Variants in TRAF7 observed in about 807,000 individuals in gnomAD.
TRAF7 encodes E3 ubiquitin-protein ligase TRAF7.
TRAF7 carries 45 observed loss-of-function variants against 89.3 expected under a neutral mutation model. The observed-to-expected ratio is 0.50, with a 90% CI of 0.40 to 0.65. The LOEUF (loss-of-function observed/expected upper bound fraction) is 0.65. Among genes scored for constraint, TRAF7 ranks in the 30% least tolerant of loss-of-function variants. The pLI is 0.00. For missense variants in TRAF7, 677 were observed against 918.1 expected (o/e 0.74, Z 3.39); for synonymous variants, 406 against 369.2 (o/e 1.10, Z -1.14).
chr16:2,176,180 G>C lies in TRAF7; in HGVS notation c.1878G>C (p.Arg626Ser). Residue 626 changes from arginine to serine, a missense_variant and splice_region_variant, in exon 19 of 21, where the codon AGG becomes AGC. Arg to Ser is a moderately radical substitution (Grantham distance 110). Around this residue, in one of 6 missense-constraint regions of TRAF7, gnomAD observed 160 missense variants for 263.7 expected, o/e 0.61. Coordinates refer to ENST00000326181, the MANE Select transcript of TRAF7 (RefSeq NM_032271.3). ...VFSASYDRSLRVWSMDNMICT... is the reference protein window; with the variant it reads ...VFSASYDRSLSVWSMDNMICT... ...GTGCATCCTACGACCGGTCCCTCAG[G>C]GTGCGTGCTGGCCCAGCGGTGGCAG... 1 of 1,605,176 alleles carries C rather than the reference G, an allele frequency of 6.2e-7. No homozygotes were observed.
chr16:2,164,200 G>C (rs189522577), intron 2 of TRAF7, among the ~76,000 whole-genome samples, 199 bp downstream of exon 2: 1 of 150,948 alleles, frequency 6.6e-6, no homozygotes, highest in Non-Finnish European at 1.5e-5. Flanking sequence ...GTGTGTGGTT[G>C]GGGCGTGTTA....
intron 5 of TRAF7, among the ~76,000 whole-genome samples, 190 bp from the exon 6 acceptor site, chr16:2,171,074 C>A (rs983121356): frequency 3.3e-5 from 5 of 152,202 alleles, no homozygotes; most frequent in African/African-American, 9.6e-5. Flanking sequence ...GGCCCTGCCT[C>A]TGGGGCCACA....
At position 2,173,559 on chromosome 16, in the gene TRAF7, G is replaced by A. The variant is rs1446461000; in HGVS notation, c.1086+5G>A. ...CGGGACGCATCCATGTTAAATGTGA[G>A]CGGGCGGGGCTGGAGGGGCTGGGTT... On this transcript the variant is annotated splice_donor_5th_base_variant and intron_variant, in intron 11 of 20. Coordinates refer to ENST00000326181, the MANE Select transcript of TRAF7 (RefSeq NM_032271.3). 1 of 1,612,628 alleles carries A rather than the reference G, an allele frequency of 6.2e-7. No homozygotes were observed. Among genetic ancestry groups the A allele is most frequent in the African/African-American group, 1.3e-5 (1 of 75,032 alleles).
In TRAF7 at chr16:2,177,680, T is replaced by G. The variant is rs954062631; in HGVS notation, c.*1106T>G. The G allele has an allele frequency of 4.1e-6, 1 of 242,284 alleles. No homozygotes were observed. The highest frequency in any genetic ancestry group is 2.2e-5 in the African/African-American group (1 of 45,152). The allele number at this position is 242,284 out of a possible 1,614,324, so 15.0% of individuals were successfully genotyped here. On this transcript the variant is annotated 3_prime_UTR_variant, in exon 21 of 21. Transcript: ENST00000326181. ...GGAGCTGCAAGCCCGTGGCCTGGCC[T>G]GCTACATGCCCTGCTTCCACGTGGC...
Position 2,171,316 on chromosome 16 carries a change from G to A in TRAF7, c.401G>A (p.Cys134Tyr). The A allele has an allele frequency of 6.4e-7, 1 of 1,556,014 alleles. No individual in the cohort carries two copies. Residue 134 changes from cysteine to tyrosine, a missense_variant, in exon 6 of 21, where the codon TGC (cysteine) becomes TAC (tyrosine). By Grantham distance (194) the Cys-to-Tyr change is radical. Around this residue, in one of 6 missense-constraint regions of TRAF7, gnomAD observed 240 missense variants for 191.9 expected, o/e 1.25. Coordinates refer to ENST00000326181, the MANE Select transcript of TRAF7 (RefSeq NM_032271.3). The stretch of plus-strand genomic sequence containing the variant: ...TCGGTGAAGCTGTGCTGTCAGCTCT[G>A]CTGCAGCGTCTTCAAAGACCCCGTG... Reference protein sequence around the residue: ...QPSVKLCCQLCCSVFKDPVIT... With the variant: ...QPSVKLCCQLYCSVFKDPVIT...
chr16:2,164,276 C>T (rs949236690), intron 2 of TRAF7, among the ~76,000 whole-genome samples: 2 of 148,306 alleles, frequency 1.3e-5, no homozygotes, highest in Non-Finnish European at 3.0e-5. Flanking sequence ...GGCCTGGTCG[C>T]ATGGTTAAGC....
In TRAF7 at chr16:2,175,482, T is replaced by C. The variant is rs1443905694; in HGVS notation, c.1504-18T>C. On this transcript the variant is annotated intron_variant, in intron 16 of 20. Transcript: ENST00000326181. ...CGTCCCTTGCCCGCCCAGCCCACAGTTGCAGCAATCCCTGCAGGTCTGGGA... is the reference window on the plus strand; with the variant it reads ...CGTCCCTTGCCCGCCCAGCCCACAGCTGCAGCAATCCCTGCAGGTCTGGGA... 6.2e-7 allele frequency: 1 copy of C among 1,613,022 alleles called. No individual in the cohort carries two copies. Among genetic ancestry groups the C allele is most frequent in the Non-Finnish European group, 8.5e-7 (1 of 1,179,602 alleles).
Position 2,165,893 on chromosome 16 carries a change from G to A in TRAF7, c.96G>A (p.Thr32=), listed in dbSNP as rs754997740. ...CCTCCCTCTAGACCAGAATGGAAAC[G>A]ACCTTCGGACCCGCCTTTTCAGCCG... The part of the protein sequence containing the change: ...PDVTTGTRME[T]TFGPAFSAVT... Residue 32 remains threonine (T), a synonymous_variant, in exon 3 of 21, where the codon ACG becomes ACA. Transcript: ENST00000326181. 5.0e-6 allele frequency: 8 copies of A among 1,613,964 alleles called. No homozygotes were observed. Among genetic ancestry groups the A allele is most frequent in the African/African-American group, 4.0e-5 (3 of 74,922 alleles).
chr16:2,168,196 T>C lies in TRAF7; in HGVS notation c.231+28T>C, dbSNP rs374519259. The C allele has an allele frequency of 1.3e-6, 2 of 1,581,950 alleles. No individual in the cohort carries two copies. Among genetic ancestry groups the C allele is most frequent in the African/African-American group, 2.7e-5 (2 of 73,988 alleles). ...AGGTCCCTACCCCCAGGAGCCCGTG[T>C]GAGCCTCAGCCTCCCCCCATCCTCC... On this transcript the variant is annotated intron_variant, in intron 4 of 20. Coordinates refer to ENST00000326181, the MANE Select transcript of TRAF7 (RefSeq NM_032271.3). This position sits in a 1 kb window ranked among gnomAD's most constrained non-coding sequence, Gnocchi z 4.1.
At chr16:2,167,098 T>C (rs1303798033) in intron 3 of TRAF7, among the ~76,000 whole-genome samples, 2 of 152,320 alleles carry the variant, frequency 1.3e-5, no homozygotes, top group African/African-American at 4.8e-5. Flanking sequence ...CTCTTTTTTT[T>C]TCTAATCCTA....
chr16:2,171,639 A>T, intron 7 of TRAF7, 34 bp downstream of exon 7: 1 of 1,612,936 alleles, frequency 6.2e-7, no homozygotes, highest in Non-Finnish European at 8.5e-7. Context: ...CCTGACGCCG[A>T]CCGTGCCCAT....
rs774794877 is a variant in TRAF7 at position 2,162,990 on chromosome 16, A to G, written c.-38-893A>G. ...GCCTCACGGGGGGAGAGTGGGCGTC[A>G]TCCAGCATGGACAGCCCCTTCCCCG... On this transcript the variant is annotated intron_variant, in intron 1 of 20. Transcript: ENST00000326181. This position sits in a 1 kb window ranked among gnomAD's most constrained non-coding sequence, Gnocchi z 5.0. 1.2e-4 allele frequency among the ~76,000 whole-genome samples: 18 copies of G among 151,118 alleles called. No individual in the cohort carries two copies. Among genetic ancestry groups the G allele is most frequent in the Non-Finnish European group, 2.1e-4 (14 of 67,782 alleles).
At chr16:2,173,752 G>C in intron 11 of TRAF7, 36 bp from the exon 12 acceptor site, 1 of 1,608,206 alleles carries the variant, frequency 6.2e-7, no homozygotes, top group East Asian at 2.2e-5. Flanking sequence ...CAGCAGCCCT[G>C]CCCACCTGCC....
chr16:2,175,134 C>T lies in TRAF7; in HGVS notation c.1370C>T (p.Ala457Val). The change falls in exon 15 of 21, where the codon GCA becomes GTA. Residue 457 changes from alanine (A) to valine (V), a missense_variant. Ala to Val is a moderately conservative substitution (Grantham distance 64). Around this residue, in one of 6 missense-constraint regions of TRAF7, gnomAD observed 160 missense variants for 263.7 expected, o/e 0.61. Coordinates refer to ENST00000326181, the MANE Select transcript of TRAF7 (RefSeq NM_032271.3). Reference protein sequence around the residue: ...IQGCKLYSGSADCTIIVWDIQ... With the variant: ...IQGCKLYSGSVDCTIIVWDIQ... Reference sequence around the variant, plus strand: ...AGGTGCAAACTCTACAGCGGCTCTGCAGACTGCACCATCATTGTGAGTGGG... The same window carrying T: ...AGGTGCAAACTCTACAGCGGCTCTGTAGACTGCACCATCATTGTGAGTGGG... 6.2e-7 allele frequency: 1 copy of T among 1,613,780 alleles called. No homozygotes were observed. Among genetic ancestry groups the T allele is most frequent in the East Asian group, 2.2e-5 (1 of 44,876 alleles).
At position 2,161,978 on chromosome 16, in the gene TRAF7, T is replaced by TC. The variant is rs1055400551; in HGVS notation, c.-38-1900dup. ...GCCCCTGCCTCTTCCACAAGAGAAGTCCCCCGAGAGCCTAGTCTGGGTCAC... is the reference window on the plus strand; with the variant it reads ...GCCCCTGCCTCTTCCACAAGAGAAGTCCCCCCGAGAGCCTAGTCTGGGTCAC... On this transcript the variant is annotated intron_variant, in intron 1 of 20. Coordinates refer to ENST00000326181, the MANE Select transcript of TRAF7 (RefSeq NM_032271.3). This position sits in a 1 kb window ranked among gnomAD's most constrained non-coding sequence, Gnocchi z 5.2. Among the ~76,000 whole-genome samples the TC allele has an allele frequency of 6.6e-6, 1 of 151,686 alleles. No homozygotes were observed. Among genetic ancestry groups the TC allele is most frequent in the Non-Finnish European group, 1.5e-5 (1 of 67,916 alleles).
Position 2,174,966 on chromosome 16 carries a change from C to A in TRAF7, c.1347-145C>A. ...TCCCATGTGGAGACTGGAAAATAGG[C>A]TGACGCTTAAGGACACAGCAGTGGC... On this transcript the variant is annotated intron_variant, in intron 14 of 20. Coordinates refer to ENST00000326181, the MANE Select transcript of TRAF7 (RefSeq NM_032271.3). 3 of 1,003,388 alleles carry A rather than the reference C, an allele frequency of 3.0e-6. No individual in the cohort carries two copies. In the South Asian group the frequency reaches 4.4e-5, roughly 15 times the overall value. 62.2% of individuals were successfully genotyped at this position (1,003,388 alleles called of 1,614,324 possible).
chr16:2,175,165 C>T lies in TRAF7; in HGVS notation c.1386+15C>T. The T allele has an allele frequency of 1.2e-6, 2 of 1,613,494 alleles. No homozygotes were observed. The highest frequency in any genetic ancestry group is 1.7e-6 in the Non-Finnish European group (2 of 1,179,892). ...GCACCATCATTGTGAGTGGGGCCTA[C>T]AGGCGGGTGGGCAGGAGGCGGCCCA... On this transcript the variant is annotated intron_variant, in intron 15 of 20. Transcript: ENST00000326181.
chr16:2,172,160 C>T, intron 7 of TRAF7, 31 bp from the exon 8 acceptor site: 3 of 1,611,762 alleles, frequency 1.9e-6, no homozygotes, highest in Non-Finnish European at 1.7e-6. Flanking sequence ...GCCAGGCAGG[C>T]CGTGAGGGTC....
In TRAF7 at chr16:2,177,906, G is replaced by A. The variant is rs1437225832; in HGVS notation, c.*1332G>A. 3.0e-6 allele frequency: 1 copy of A among 330,434 alleles called. No individual in the cohort carries two copies. Among genetic ancestry groups the A allele is most frequent in the Non-Finnish European group, 5.7e-6 (1 of 175,554 alleles). 20.5% of individuals were successfully genotyped at this position (330,434 alleles called of 1,614,324 possible). ...CCTTCCACCTGTGCTAGCAGCCTGG[G>A]GCCTCCACTCTGGCCGGAGGAAGGA... On this transcript the variant is annotated 3_prime_UTR_variant, in exon 21 of 21. Transcript: ENST00000326181.
Sources: gnomAD v4.1 joint callset for allele counts (sites outside exome capture counted in the v4.1 genomes callset) on GRCh38, gnomAD v4.1.1 for gene constraint, gnomAD v4.1.1 regional missense constraint, Gnocchi (gnomAD v3.1) non-coding constraint, MANE v1.5 for transcripts, NCBI Gene and HGNC (gene_info 2026-07-23, HGNC 2026-07-21) for gene names.